STK32B: variants seen among roughly 807,000 people sequenced by gnomAD.
STK32B encodes serine/threonine-protein kinase 32B.
STK32B carries 43 observed loss-of-function variants against 52.6 expected under a neutral mutation model. That is an observed-to-expected ratio of 0.82 (90% CI 0.64 to 1.05). The LOEUF (loss-of-function observed/expected upper bound fraction) is 1.05, where lower values mean the gene tolerates loss of function less well. Ranked by LOEUF, STK32B falls within the 50% of genes least tolerant of loss-of-function variation. The pLI is 0.00. For missense variants in STK32B, 621 were observed against 534.6 expected (o/e 1.16, Z -1.59); for synonymous variants, 238 against 204.3 (o/e 1.17, Z -1.41).
chr4:5,276,997 G>A (rs920253231), intron 3 of STK32B, among the ~76,000 whole-genome samples: 17 of 152,260 alleles, frequency 1.1e-4, no homozygotes, highest in African/African-American at 3.4e-4. Context: ...GAAGATGAAC[G>A]CCAGATTTTG....
At chr4:5,490,969 A>G (rs1026147899) in intron 11 of STK32B, among the ~76,000 whole-genome samples, 1 of 152,150 alleles carries the variant, frequency 6.6e-6, no homozygotes, top group African/African-American at 2.4e-5. Flanking sequence ...AATCCAGTCT[A>G]TCATTGTTGG....
chr4:5,194,100 C>G (rs1174969949), intron 3 of STK32B, among the ~76,000 whole-genome samples: 1 of 152,212 alleles, frequency 6.6e-6, no homozygotes. Context: ...CCCTCTCTCA[C>G]TTGCCTGTTT....
intron 2 of STK32B, 106 bp from the exon 3 acceptor site, chr4:5,168,188 AAGAAC>A: frequency 7.1e-7 from 1 of 1,409,764 alleles, no homozygotes; most frequent in South Asian, 1.4e-5. Context: ...AGCAGATTTC[AAGAAC>A]AGGGACGTGA....
intron 4 of STK32B, among the ~76,000 whole-genome samples, chr4:5,384,323 G>T (rs891021574): frequency 6.6e-6 from 1 of 152,180 alleles, no homozygotes. Context: ...TGCTCTGCAG[G>T]TAGAAGCAGC....
At chr4:5,310,424 G>A (rs1226284239) in intron 3 of STK32B, among the ~76,000 whole-genome samples, 7 of 152,026 alleles carry the variant, frequency 4.6e-5, no homozygotes, top group Non-Finnish European at 1.0e-4. Flanking sequence ...AATGGCAAAC[G>A]TATGTGAAAA....
chr4:5,324,668 C>G lies in STK32B; in HGVS notation c.261-6552C>G, dbSNP rs1047812754. On this transcript the variant is annotated intron_variant, in intron 3 of 11. Transcript: ENST00000282908. The stretch of plus-strand genomic sequence containing the variant: ...CAAATTGTGACAACAAAAACTGTCT[C>G]CACACATTGTCCAATGTTCCCAGGG... Among the ~76,000 whole-genome samples, 4 of 152,176 alleles carry G rather than the reference C, an allele frequency of 2.6e-5. No individual in the cohort carries two copies. The South Asian group carries it at 6.2e-4, about 24-fold the overall frequency.
Position 5,491,931 on chromosome 4 carries a change from G to C in STK32B, c.1107-7014G>C, listed in dbSNP as rs534606367. On this transcript the variant is annotated intron_variant, in intron 11 of 11. Transcript: ENST00000282908. ...TCTGAGGGCTCTGTTGTGTTCCATT[G>C]ATGTATATCTCTCTTTTGGTACCAG... 4.2e-4 allele frequency among the ~76,000 whole-genome samples: 64 copies of C among 152,282 alleles called. 1 individual carries two copies. In the South Asian group the frequency reaches 0.013, roughly 31 times the overall value.
intron 3 of STK32B, among the ~76,000 whole-genome samples, chr4:5,269,368 C>T (rs1427913245): frequency 6.6e-6 from 1 of 152,150 alleles, no homozygotes; most frequent in Non-Finnish European, 1.5e-5. Context: ...ATTACTCCTG[C>T]AGTCCTCTCT....
At chr4:5,085,679 T>C (rs551304304) in intron 1 of STK32B, among the ~76,000 whole-genome samples, 1 of 152,332 alleles carries the variant, frequency 6.6e-6, no homozygotes, top group East Asian at 1.9e-4. Flanking sequence ...ATAAAATTGT[T>C]AGAAGTAACT....
Position 5,460,050 on chromosome 4 carries a change from C to T in STK32B, c.784-53C>T. 1 of 1,614,010 alleles carries T rather than the reference C, an allele frequency of 6.2e-7. No homozygotes were observed. The highest frequency in any genetic ancestry group is 8.5e-7 in the Non-Finnish European group (1 of 1,179,982). On this transcript the variant is annotated intron_variant, in intron 8 of 11. Transcript: ENST00000282908. This position sits in a 1 kb window ranked among gnomAD's most constrained non-coding sequence, Gnocchi z 4.8. ...GAGACCCCCTCCTTCAGAGTCCCCG[C>T]TAACCTTGAGGGATGCCCAATTCAT... is the stretch of plus-strand genomic sequence containing the variant.
At chr4:5,139,620 G>C (rs1577096785) in intron 1 of STK32B, 2 of 418,622 alleles carry the variant, frequency 4.8e-6, no homozygotes, top group East Asian at 7.8e-5. Context: ...ACATGTAGAA[G>C]CCAGGCAGAA....
chr4:5,146,434 G>T (rs1029264283), intron 2 of STK32B, among the ~76,000 whole-genome samples: 16 of 152,180 alleles, frequency 1.1e-4, no homozygotes, highest in Non-Finnish European at 2.1e-4. Flanking sequence ...TCCAGCACAG[G>T]AGGAAGATGA....
chr4:5,037,475 C>G, the STK32B span, among the ~76,000 whole-genome samples: 21 of 152,330 alleles, frequency 1.4e-4, no homozygotes, highest in East Asian at 3.9e-3. Flanking sequence ...GAATGTCTGA[C>G]AGCTAGTGTG....
chr4:5,342,415 C>T (rs534101676), intron 4 of STK32B, among the ~76,000 whole-genome samples: 2 of 152,286 alleles, frequency 1.3e-5, no homozygotes, highest in Admixed American at 6.5e-5. Context: ...GTAAATGAAG[C>T]TGGAAACCAT....
intron 1 of STK32B, among the ~76,000 whole-genome samples, chr4:5,110,608 T>C (rs372499936): frequency 6.6e-6 from 1 of 152,046 alleles, no homozygotes; most frequent in Non-Finnish European, 1.5e-5. Flanking sequence ...AAAAGTTAAC[T>C]CAACATGGAT....
chr4:5,456,041 C>T (rs186639447), intron 7 of STK32B, among the ~76,000 whole-genome samples: 25 of 151,780 alleles, frequency 1.6e-4, no homozygotes, highest in African/African-American at 5.8e-4. Flanking sequence ...AGATAATGTT[C>T]ATGGGGGTTG....
rs778683803 is a variant in STK32B, at chr4:5,456,869, G to A, written c.729G>A (p.Glu243=). The part of the protein sequence containing the change: ...IDEILNMFKV[E]RVHYSSTWCK... ...AAATCCTCAACATGTTCAAGGTGGAGCGTGTCCACTACTCCTCCACGTGGT... is the reference window on the plus strand; with the variant it reads ...AAATCCTCAACATGTTCAAGGTGGAACGTGTCCACTACTCCTCCACGTGGT... The change falls in exon 8 of 12, where the codon GAG becomes GAA. Residue 243 remains glutamate (E), a synonymous_variant. Transcript: ENST00000282908. 2 of 1,599,562 alleles carry A rather than the reference G, an allele frequency of 1.3e-6. No homozygotes were observed. The highest frequency in any genetic ancestry group is 1.7e-6 in the Non-Finnish European group (2 of 1,172,044).
intron 1 of STK32B, among the ~76,000 whole-genome samples, chr4:5,094,533 A>T (rs976398287): frequency 2.4e-4 from 37 of 152,142 alleles, no homozygotes; most frequent in African/African-American, 8.7e-4. Context: ...GTGCACCTGC[A>T]GACCCAGCTA....
intron 3 of STK32B, among the ~76,000 whole-genome samples, chr4:5,211,921 T>C (rs1722929272): frequency 6.6e-6 from 1 of 152,220 alleles, no homozygotes. Context: ...CTGCTATTTA[T>C]TGGGTATTTG....
Sources: gnomAD v4.1 joint callset for allele counts (sites outside exome capture counted in the v4.1 genomes callset) on GRCh38, gnomAD v4.1.1 for gene constraint, Gnocchi (gnomAD v3.1) non-coding constraint, MANE v1.5 for transcripts, NCBI Gene and HGNC (gene_info 2026-07-23, HGNC 2026-07-21) for gene names.